GPT2: variants seen among roughly 807,000 people sequenced by gnomAD.
The protein encoded by GPT2 is glutamic--pyruvic transaminase 2.
In GPT2, 30 loss-of-function variants were observed where a neutral mutation model predicts 56.9. That is an observed-to-expected ratio of 0.53 (90% CI 0.39 to 0.72). The LOEUF (loss-of-function observed/expected upper bound fraction) is 0.72. Ranked by LOEUF, GPT2 falls within the 30% of genes least tolerant of loss-of-function variation. GPT2 has a pLI of 0.00. For synonymous variants in GPT2, 271 were observed against 283.1 expected (o/e 0.96, Z 0.43); for missense variants, 542 against 703.4 (o/e 0.77, Z 2.60).
chr16:46,926,497 A>T (rs1961416403), intron 10 of GPT2, among the ~76,000 whole-genome samples: 1 of 152,156 alleles, frequency 6.6e-6, no homozygotes, highest in African/African-American at 2.4e-5. Flanking sequence ...ATCTGTAGTT[A>T]AGAGGCTCCC....
In GPT2 at chr16:46,909,926, A is replaced by G; in HGVS notation, c.819A>G (p.Thr273=). The G allele has an allele frequency of 6.3e-7, 1 of 1,596,896 alleles. No individual in the cohort carries two copies. The highest frequency in any genetic ancestry group is 8.6e-7 in the Non-Finnish European group (1 of 1,167,952). Reference sequence around the variant, plus strand: ...GCATAATCAACCCTGGGAACCCCACAGGTCTGCACTTTACTTCCTCACCAG... The same window carrying G: ...GCATAATCAACCCTGGGAACCCCACGGGTCTGCACTTTACTTCCTCACCAG... ...VLCIINPGNP[T]GQVQSRKCIE... Residue 273 remains threonine (T), a splice_region_variant and synonymous_variant, in exon 6 of 12, where the codon ACA becomes ACG. Transcript: ENST00000340124.
intron 2 of GPT2, among the ~76,000 whole-genome samples, chr16:46,886,570 G>C (rs1284285009): frequency 2.6e-5 from 4 of 152,170 alleles, no homozygotes; most frequent in African/African-American, 9.7e-5. Flanking sequence ...TTCCAAGTGG[G>C]AGCAGTGCTG....
At chr16:46,920,939 G>A (rs993553696) in intron 8 of GPT2, among the ~76,000 whole-genome samples, 4 of 152,050 alleles carry the variant, frequency 2.6e-5, no homozygotes, top group Non-Finnish European at 4.4e-5. Flanking sequence ...AGTCGTGCCC[G>A]GTGTTCTCAG....
intron 6 of GPT2, among the ~76,000 whole-genome samples, chr16:46,914,940 C>T (rs1596626958): frequency 6.6e-6 from 1 of 152,086 alleles, no homozygotes; most frequent in Non-Finnish European, 1.5e-5. Flanking sequence ...ATTTTTGAGA[C>T]AGGGTCTTGC....
intron 11 of GPT2, among the ~76,000 whole-genome samples, chr16:46,928,460 T>C (rs774812835): frequency 1.3e-4 from 20 of 151,620 alleles, no homozygotes; most frequent in Non-Finnish European, 2.6e-4. Flanking sequence ...CCGTCTCTTC[T>C]AAAAATACAA....
intron 6 of GPT2, among the ~76,000 whole-genome samples, chr16:46,912,727 A>G (rs550941799): frequency 6.6e-6 from 1 of 152,320 alleles, no homozygotes; most frequent in African/African-American, 2.4e-5. Context: ...GCATGGCAAG[A>G]GCAGGAACAA....
At position 46,884,421 on chromosome 16, in the gene GPT2, G is replaced by A; in HGVS notation, c.-69G>A. 3.9e-6 allele frequency: 1 copy of A among 258,038 alleles called. No homozygotes were observed. Among genetic ancestry groups the A allele is most frequent in the East Asian group, 6.9e-5 (1 of 14,416 alleles). The allele number at this position is 258,038 out of a possible 1,614,324, so 16.0% of individuals were successfully genotyped here. On this transcript the variant is annotated 5_prime_UTR_variant, in exon 1 of 12. Transcript: ENST00000340124. The stretch of plus-strand genomic sequence containing the variant: ...GCGCCGGGGCCGGGTAGCTGCTCCA[G>A]GCGCGCGAGCTAACCGAGTGCGGCG...
In GPT2 at chr16:46,884,447, AG is replaced by A. The variant is rs1960439135; in HGVS notation, c.-40del. On this transcript the variant is annotated 5_prime_UTR_variant, in exon 1 of 12. Coordinates refer to ENST00000340124, the MANE Select transcript of GPT2 (RefSeq NM_133443.4). ...GCGCGCGAGCTAACCGAGTGCGGCG[AG>A]GGCCTACCAGGGGCGACAGGCACGT... The A allele has an allele frequency of 6.5e-6, 2 of 308,594 alleles. No individual in the cohort carries two copies. Among genetic ancestry groups the A allele is most frequent in the Non-Finnish European group, 1.2e-5 (2 of 169,576 alleles). The allele number at this position is 308,594 out of a possible 1,614,324, so 19.1% of individuals were successfully genotyped here.
At chr16:46,924,652 G>A (rs920879065) in intron 10 of GPT2, 108 bp downstream of exon 10, 41 of 1,143,300 alleles carry the variant, frequency 3.6e-5, no homozygotes, top group Non-Finnish European at 4.7e-5. Flanking sequence ...CTGGAGGCTC[G>A]GAACTGTATG....
chr16:46,928,862 C>T (rs773217990), intron 11 of GPT2, 45 bp from the exon 12 acceptor site: 5 of 1,445,930 alleles, frequency 3.5e-6, no homozygotes, highest in Non-Finnish European at 4.9e-6. Flanking sequence ...GTTCCTCTCC[C>T]ATCTTGCAGA....
chr16:46,923,876 C>G (rs527971310), intron 9 of GPT2: 10 of 259,394 alleles, frequency 3.9e-5, no homozygotes, highest in Admixed American at 3.5e-4. Context: ...GAATTCCGTC[C>G]AGAGCCAAGT....
In GPT2 at chr16:46,900,701, A is replaced by G. The variant is rs1208851534; in HGVS notation, c.353A>G (p.Tyr118Cys). 1.2e-6 allele frequency: 2 copies of G among 1,613,842 alleles called. No homozygotes were observed. Among genetic ancestry groups the G allele is most frequent in the Non-Finnish European group, 1.7e-6 (2 of 1,179,904 alleles). ...CCCCAGGTGATGGCACTATGCACCT[A>G]CCCAAACCTGCTGGACAGCCCCAGC... ...FLRQVMALCTYPNLLDSPSFP... is the reference protein window; with the variant it reads ...FLRQVMALCTCPNLLDSPSFP... The change falls in exon 4 of 12, where the codon TAC becomes TGC. Residue 118 changes from tyrosine to cysteine, a missense_variant. By Grantham distance (194) the Tyr-to-Cys change is radical. Transcript: ENST00000340124.
chr16:46,917,228 T>C (rs954848087), intron 7 of GPT2, among the ~76,000 whole-genome samples: 2 of 152,182 alleles, frequency 1.3e-5, no homozygotes, highest in Non-Finnish European at 2.9e-5. Flanking sequence ...AGTATGCAGA[T>C]TGGCCAGGCC....
rs1168906720 is a variant in GPT2 at position 46,930,858 on chromosome 16, T to C, written c.*1861T>C. ...TAAAAAGAGACTGTATACACTTGAT[T>C]TGCTTTCAAAATAAATAAGGTCAGC... On this transcript the variant is annotated 3_prime_UTR_variant, in exon 12 of 12. Transcript: ENST00000340124. 1 of 152,656 alleles carries C rather than the reference T, an allele frequency of 6.6e-6. No individual in the cohort carries two copies. Among genetic ancestry groups the C allele is most frequent in the East Asian group, 1.9e-4 (1 of 5,206 alleles). The allele number at this position is 152,656 out of a possible 1,614,324, so 9.5% of individuals were successfully genotyped here. A position where few individuals can be genotyped will look rare whatever the true frequency, so the allele number is the denominator to read the frequency against.
chr16:46,894,207 G>A (rs537164717), intron 2 of GPT2, among the ~76,000 whole-genome samples: 5 of 152,182 alleles, frequency 3.3e-5, no homozygotes, highest in African/African-American at 7.2e-5. Context: ...CGAGCAGTGC[G>A]GGGGGAGGGC....
At chr16:46,917,963 A>G (rs1033370683) in intron 7 of GPT2, among the ~76,000 whole-genome samples, 4 of 152,120 alleles carry the variant, frequency 2.6e-5, no homozygotes, top group Non-Finnish European at 5.9e-5. Context: ...TTGGCAATGG[A>G]GCCAGCTTGA....
chr16:46,891,596 G>T (rs1286719065), intron 2 of GPT2, among the ~76,000 whole-genome samples: 1 of 152,046 alleles, frequency 6.6e-6, no homozygotes, highest in Non-Finnish European at 1.5e-5. Flanking sequence ...TGATCCGCCT[G>T]TCTCGGCCTC....
chr16:46,888,572 C>T (rs1960527625), intron 2 of GPT2, among the ~76,000 whole-genome samples: 1 of 152,192 alleles, frequency 6.6e-6, no homozygotes, highest in Non-Finnish European at 1.5e-5. Flanking sequence ...TGGTCTTGAA[C>T]TCCTGACTTT....
At chr16:46,913,764 A>G (rs1961090292) in intron 6 of GPT2, among the ~76,000 whole-genome samples, 1 of 152,162 alleles carries the variant, frequency 6.6e-6, no homozygotes, top group Non-Finnish European at 1.5e-5. Flanking sequence ...GTATGTATAT[A>G]TATATGTACA....
Sources: allele counts gnomAD v4.1 joint callset (sites outside exome capture counted in the v4.1 genomes callset), GRCh38; gene constraint gnomAD v4.1.1; transcripts MANE v1.5; gene names NCBI Gene and HGNC (gene_info 2026-07-23, HGNC 2026-07-21).